Variants in TFDP2 observed in about 807,000 individuals in gnomAD.
TFDP2 encodes transcription factor Dp-2 (E2F dimerization partner 2).
TFDP2 carries 17 observed loss-of-function variants against 59.3 expected under a neutral mutation model. The ratio of observed to expected loss-of-function variants is 0.29; its 90% CI spans 0.20 to 0.43. The LOEUF is 0.43. Ranked by LOEUF, TFDP2 falls within the 20% of genes least tolerant of loss-of-function variation. TFDP2 has a pLI of 1.00. For synonymous variants in TFDP2, 180 were observed against 194.7 expected, an observed-to-expected ratio of 0.92 and a Z score of 0.63; for missense variants, 391 against 528.8, an observed-to-expected ratio of 0.74 and a Z score of 2.56.
chr3:142,092,822 T>G (rs2061041939), intron 3 of TFDP2, among the ~76,000 whole-genome samples: 1 of 152,180 alleles, frequency 6.6e-6, no homozygotes, highest in South Asian at 2.1e-4. Context: ...GTTTCAATTG[T>G]AATAAGATCA....
chr3:141,991,533 T>C (rs575555925), intron 6 of TFDP2, among the ~76,000 whole-genome samples: 5 of 150,418 alleles, frequency 3.3e-5, no homozygotes, highest in African/African-American at 1.2e-4. Context: ...CCAAGGTGGG[T>C]GGATCACTTG....
rs577325264 is a variant in TFDP2, at chr3:142,064,762, C to T, written c.82+28299G>A. The stretch of plus-strand genomic sequence containing the variant: ...AAAGGGATAATAAGAGTTTCCAATA[C>T]GCAATCAAAGAAACAGAGCAAAGTT... On this transcript the variant is annotated intron_variant, in intron 3 of 12. Transcript: ENST00000489671. Among the ~76,000 whole-genome samples, 12 of 152,212 alleles carry T rather than the reference C, an allele frequency of 7.9e-5. No individual in the cohort carries two copies. In the East Asian group the frequency reaches 9.6e-4, roughly 12 times the overall value.
chr3:142,136,271 G>A (rs976812071), intron 1 of TFDP2, among the ~76,000 whole-genome samples: 1 of 151,696 alleles, frequency 6.6e-6, no homozygotes, highest in Non-Finnish European at 1.5e-5. Flanking sequence ...TTGTAAATTT[G>A]TTTGAGCTCT....
chr3:142,003,960 T>C (rs1397182539), intron 4 of TFDP2, among the ~76,000 whole-genome samples: 1 of 152,206 alleles, frequency 6.6e-6, no homozygotes, highest in African/African-American at 2.4e-5. Context: ...AAGAGTACTG[T>C]AAGGGCAAGA....
chr3:141,991,475 A>G (rs1942754403), intron 6 of TFDP2, among the ~76,000 whole-genome samples: 1 of 152,204 alleles, frequency 6.6e-6, no homozygotes, highest in Admixed American at 6.5e-5. Flanking sequence ...AAATAAAAAA[A>G]AGGCCAGGTG....
chr3:141,969,221 CAT>C (rs1457507464), intron 9 of TFDP2, among the ~76,000 whole-genome samples: 1 of 97,388 alleles, frequency 1.0e-5, no homozygotes, highest in African/African-American at 4.5e-5. Flanking sequence ...ATATATATCT[CAT>C]ATATATGAGA....
intron 3 of TFDP2, among the ~76,000 whole-genome samples, chr3:142,016,491 G>C (rs1391487814): frequency 6.6e-6 from 1 of 151,656 alleles, no homozygotes; most frequent in Admixed American, 6.6e-5. Context: ...AGTAGAGATG[G>C]GGTTTTGCCA....
At chr3:142,073,214 T>G (rs1266249225) in intron 3 of TFDP2, among the ~76,000 whole-genome samples, 1 of 152,150 alleles carries the variant, frequency 6.6e-6, no homozygotes, top group Non-Finnish European at 1.5e-5. Context: ...GGAGTACAGG[T>G]ATGTGCCACC....
chr3:142,081,118 G>C (rs1159093155), intron 3 of TFDP2, among the ~76,000 whole-genome samples: 1 of 152,122 alleles, frequency 6.6e-6, no homozygotes, highest in East Asian at 1.9e-4. Context: ...TCAAAAAATT[G>C]AAATATTATG....
intron 1 of TFDP2, among the ~76,000 whole-genome samples, chr3:142,142,128 G>A (rs1464986685): frequency 6.6e-6 from 1 of 152,082 alleles, no homozygotes; most frequent in Non-Finnish European, 1.5e-5. Flanking sequence ...GATATAAAGG[G>A]CACCCAAATT....
chr3:142,110,412 G>A (rs547964367), intron 1 of TFDP2, among the ~76,000 whole-genome samples: 13 of 151,888 alleles, frequency 8.6e-5, no homozygotes, highest in African/African-American at 3.1e-4. Flanking sequence ...GCTGAGGCGG[G>A]AGAATCACTT....
At chr3:142,085,464 A>AT (rs2060782149) in intron 3 of TFDP2, among the ~76,000 whole-genome samples, 1 of 152,204 alleles carries the variant, frequency 6.6e-6, no homozygotes, top group South Asian at 2.1e-4. Context: ...AATAAATATG[A>AT]TTATAACCTT....
At chr3:142,054,477 AC>A (rs1186088220) in intron 3 of TFDP2, among the ~76,000 whole-genome samples, 1 of 152,194 alleles carries the variant, frequency 6.6e-6, no homozygotes, top group East Asian at 1.9e-4. Context: ...AATCATTGAC[AC>A]TATGTTTTGT....
At chr3:142,064,605 C>A (rs773551970) in intron 3 of TFDP2, among the ~76,000 whole-genome samples, 1 of 152,120 alleles carries the variant, frequency 6.6e-6, no homozygotes, top group South Asian at 2.1e-4. Context: ...TTTAGATTTG[C>A]GATTTACATG....
At chr3:142,123,004 C>T (rs60528783) in intron 1 of TFDP2, among the ~76,000 whole-genome samples, 12,596 of 151,838 alleles carry the variant, frequency 0.083, 646 homozygotes, top group Middle Eastern at 0.14. Flanking sequence ...GTCGCTCAGA[C>T]TGGAGTGCAG....
chr3:141,990,643 A>C (rs879612301), intron 6 of TFDP2, among the ~76,000 whole-genome samples: 1 of 152,136 alleles, frequency 6.6e-6, no homozygotes, highest in Non-Finnish European at 1.5e-5. Context: ...GAGTGTTTAC[A>C]TCCTGTGGCC....
At chr3:141,996,179 TACAAA>T (rs1943255577) in intron 4 of TFDP2, among the ~76,000 whole-genome samples, 1 of 152,120 alleles carries the variant, frequency 6.6e-6, no homozygotes, top group African/African-American at 2.4e-5. Flanking sequence ...TTTCACTGGT[TACAAA>T]ACAAAACATG....
intron 11 of TFDP2, among the ~76,000 whole-genome samples, chr3:141,958,463 G>C (rs1251518392): frequency 2.6e-5 from 4 of 151,862 alleles, no homozygotes; most frequent in African/African-American, 9.7e-5. Flanking sequence ...ATTATTTCCA[G>C]TTTACCATTT....
At chr3:142,020,679 T>TAAA (rs549357924) in intron 3 of TFDP2, among the ~76,000 whole-genome samples, 1 of 138,468 alleles carries the variant, frequency 7.2e-6, no homozygotes, top group African/African-American at 2.7e-5. Context: ...CCTTTTTCTT[T>TAAA]AAAAAAAAAA....
Sources: allele counts gnomAD v4.1 joint callset (sites outside exome capture counted in the v4.1 genomes callset), GRCh38; gene constraint gnomAD v4.1.1; transcripts MANE v1.5; gene names NCBI Gene and HGNC (gene_info 2026-07-23, HGNC 2026-07-21).